Variants in PCDHA5 observed in about 807,000 individuals in gnomAD.
PCDHA5 encodes the protein protocadherin alpha 5.
In PCDHA5, 43 loss-of-function variants were observed where a neutral mutation model predicts 61.6. The observed-to-expected ratio is 0.70, with a 90% CI of 0.55 to 0.90. PCDHA5 has a LOEUF of 0.90. Ranked by LOEUF, PCDHA5 falls within the 40% of genes least tolerant of loss-of-function variation. The pLI is 0.00. For missense variants in PCDHA5, 1,298 were observed against 1,222.7 expected, an observed-to-expected ratio of 1.06 and a Z score of -0.92; for synonymous variants, 627 against 543.9, an observed-to-expected ratio of 1.15 and a Z score of -2.13.
At chr5:140,834,316 G>A (rs1772899849) in intron 1 of PCDHA5, 1 of 1,378,132 alleles carries the variant, frequency 7.3e-7, no homozygotes, top group Non-Finnish European at 1.0e-6. Context: ...TGAAATGAAG[G>A]GATAAAAACA....
chr5:140,927,254 C>T, intron 1 of PCDHA5: 2 of 1,614,132 alleles, frequency 1.2e-6, no homozygotes, highest in Non-Finnish European at 1.7e-6. Flanking sequence ...AATGACAACT[C>T]ACCTCTCTTT....
rs1172235906 is a variant in PCDHA5, at chr5:140,871,551, C to T, written c.2352+47424C>T. 10 of 1,494,576 alleles carry T rather than the reference C, an allele frequency of 6.7e-6. No homozygotes were observed. The Admixed American group carries it at 2.5e-4, about 38-fold the overall frequency. 92.6% of individuals were successfully genotyped at this position (1,494,576 alleles called of 1,614,324 possible). ...AGTGTATGTGAAATTATTTAAAATC[C>T]AGTTTTTTTTCACGGATTTTTTAAG... On this transcript the variant is annotated intron_variant, in intron 1 of 3. Transcript: ENST00000529859.
At chr5:140,842,747 A>G (rs2150343510) in intron 1 of PCDHA5, 1 of 1,594,914 alleles carries the variant, frequency 6.3e-7, no homozygotes, top group Admixed American at 1.7e-5. Flanking sequence ...CCACATCTTC[A>G]CGGTGTCTGC....
At chr5:140,904,558 T>C (rs1288543737) in intron 1 of PCDHA5, among the ~76,000 whole-genome samples, 1 of 152,082 alleles carries the variant, frequency 6.6e-6, no homozygotes, top group Non-Finnish European at 1.5e-5. Flanking sequence ...ATAATGACTT[T>C]TTTTTCCTCT....
intron 1 of PCDHA5, among the ~76,000 whole-genome samples, chr5:140,896,950 C>A (rs996950218): frequency 6.6e-6 from 1 of 152,106 alleles, no homozygotes; most frequent in Non-Finnish European, 1.5e-5. Context: ...TGGCCATTCC[C>A]TTAAACATTT....
intron 1 of PCDHA5, chr5:140,877,704 C>A: frequency 6.2e-7 from 1 of 1,613,954 alleles, no homozygotes; most frequent in Non-Finnish European, 8.5e-7. Context: ...GCTCCAGCGC[C>A]GTGGGGAGTT....
intron 1 of PCDHA5, among the ~76,000 whole-genome samples, chr5:140,900,452 T>A (rs2068062293): frequency 6.6e-6 from 1 of 152,222 alleles, no homozygotes; most frequent in South Asian, 2.1e-4. Flanking sequence ...TAATTTTTTA[T>A]TTTTAGTAGA....
chr5:140,887,224 G>A (rs1554182948), intron 1 of PCDHA5, among the ~76,000 whole-genome samples: 1 of 151,812 alleles, frequency 6.6e-6, no homozygotes, highest in Non-Finnish European at 1.5e-5. Context: ...AGCCTCCCGA[G>A]TAGCTGAGAC....
chr5:140,950,512 G>T (rs1239372084), intron 1 of PCDHA5, among the ~76,000 whole-genome samples: 11 of 152,016 alleles, frequency 7.2e-5, no homozygotes, highest in Non-Finnish European at 7.4e-5. Context: ...TATTCCCTGT[G>T]TGCGATATGA....
intron 1 of PCDHA5, chr5:140,825,965 G>A (rs1173825503): frequency 6.6e-6 from 1 of 152,292 alleles, no homozygotes; most frequent in African/African-American, 2.4e-5. Context: ...CTACTCTTTT[G>A]AGGGGAAAAG....
intron 1 of PCDHA5, chr5:140,928,228 C>T: frequency 6.2e-7 from 1 of 1,614,218 alleles, no homozygotes; most frequent in Non-Finnish European, 8.5e-7. Context: ...ACCAAACTTT[C>T]CTCAACCCCA....
At chr5:140,838,065 T>TTA (rs144773480) in intron 1 of PCDHA5, among the ~76,000 whole-genome samples, 9 of 113,460 alleles carry the variant, frequency 7.9e-5, no homozygotes, top group Non-Finnish European at 1.3e-4. Context: ...CCACTTTAAG[T>TTA]TATATATATA....
At chr5:140,908,422 C>T (rs1403455941) in intron 1 of PCDHA5, among the ~76,000 whole-genome samples, 1 of 152,176 alleles carries the variant, frequency 6.6e-6, no homozygotes, top group Non-Finnish European at 1.5e-5. Context: ...TGATGGAATG[C>T]TGCTGTGCGC....
intron 1 of PCDHA5, among the ~76,000 whole-genome samples, chr5:140,886,770 G>A (rs1554182701): frequency 6.8e-6 from 1 of 146,884 alleles, no homozygotes; most frequent in Non-Finnish European, 1.5e-5. Context: ...AGGTTGCAGT[G>A]AGATGAGATC....
chr5:140,884,821 G>T (rs1470699415), intron 1 of PCDHA5: 1 of 1,011,638 alleles, frequency 9.9e-7, no homozygotes, highest in Admixed American at 3.4e-5. Context: ...TGGACATTAT[G>T]TGTTGGATTA....
intron 1 of PCDHA5, among the ~76,000 whole-genome samples, chr5:140,903,175 A>G (rs1554190800): frequency 1.3e-5 from 2 of 152,170 alleles, no homozygotes; most frequent in Non-Finnish European, 2.9e-5. Context: ...TTACATTCCC[A>G]CCAATAGTAT....
intron 1 of PCDHA5, among the ~76,000 whole-genome samples, chr5:140,897,340 C>A (rs1326802877): frequency 8.1e-6 from 1 of 122,842 alleles, no homozygotes; most frequent in African/African-American, 3.1e-5. Context: ...CCCCTCCCCC[C>A]ACCCCACAAC....
chr5:140,850,556 G>A (rs1554144496), intron 1 of PCDHA5: 1 of 1,598,290 alleles, frequency 6.3e-7, no homozygotes. Flanking sequence ...TGGGTGCCAC[G>A]GGCCCCGAGG....
At chr5:140,987,960 C>G (rs2097275437) in intron 3 of PCDHA5, among the ~76,000 whole-genome samples, 1 of 152,120 alleles carries the variant, frequency 6.6e-6, no homozygotes, top group African/African-American at 2.4e-5. Flanking sequence ...AACCAACTCC[C>G]CATGGAAAGA....
Sources: allele counts gnomAD v4.1 joint callset (sites outside exome capture counted in the v4.1 genomes callset), GRCh38; gene constraint gnomAD v4.1.1; transcripts MANE v1.5; gene names NCBI Gene and HGNC (gene_info 2026-07-23, HGNC 2026-07-21).